Variants in MICAL1 observed in about 807,000 individuals in gnomAD.
The protein encoded by MICAL1 is [F-actin]-monooxygenase MICAL1.
In MICAL1, 95 loss-of-function variants were observed where a neutral mutation model predicts 131.8. That is an observed-to-expected ratio of 0.72 (90% CI 0.61 to 0.86). MICAL1 has a LOEUF of 0.86. Among genes scored for constraint, MICAL1 ranks in the 40% least tolerant of loss-of-function variants. The pLI, the probability that MICAL1 is intolerant of heterozygous loss-of-function variation, is 0.00. For missense variants in MICAL1, 1,292 were observed against 1,380.6 expected, an observed-to-expected ratio of 0.94 and a Z score of 1.02; for synonymous variants, 546 against 554.2, an observed-to-expected ratio of 0.99 and a Z score of 0.21.
chr6:109,452,213 G>C (rs377726815), intron 6 of MICAL1, 33 bp downstream of exon 6: 33 of 1,593,654 alleles, frequency 2.1e-5, no homozygotes, highest in Non-Finnish European at 2.6e-5. Context: ...AGTCAGGCAG[G>C]GGGAGGGGAA....
Position 109,445,443 on chromosome 6 carries a change from C to T in MICAL1, c.2760G>A (p.Glu920=), listed in dbSNP as rs1305518934. 1.2e-6 allele frequency: 2 copies of T among 1,613,982 alleles called. No individual in the cohort carries two copies. Among genetic ancestry groups the T allele is most frequent in the African/African-American group, 2.7e-5 (2 of 74,956 alleles). ...GGGCCTTGCAGAACCTCTTCATCTC[C>T]TCCTCCTTCGCACGGCGCAGCAGAG... ...RRTLLRRAKE[E]EMKRFCKAQT... Residue 920 remains glutamate, a synonymous_variant, in exon 21 of 25, where the codon GAG becomes GAA. Coordinates refer to ENST00000358807, the MANE Select transcript of MICAL1 (RefSeq NM_022765.4).
chr6:109,446,703 T>C lies in MICAL1; in HGVS notation c.2297A>G (p.Glu766Gly). ...CACGCCTTCAGTCTTTACCGGACTC[T>C]CAGGGCCTCTATCGCTGCCTTCCGC... ...HKAEGSDRGP[E>G]SPELPTPSEN... Residue 766 changes from glutamate (E) to glycine (G), a missense_variant, in exon 18 of 25, where the codon GAG becomes GGG. Glu to Gly is a moderately conservative substitution (Grantham distance 98). Transcript: ENST00000358807. 6.2e-7 allele frequency: 1 copy of C among 1,613,672 alleles called. No individual in the cohort carries two copies. The highest frequency in any genetic ancestry group is 8.5e-7 in the Non-Finnish European group (1 of 1,179,776).
In MICAL1 at chr6:109,454,057, T is replaced by C; in HGVS notation, c.140A>G (p.Gln47Arg). Reference sequence around the variant, plus strand: ...GAGCTGGTCCTTGATCTTGTGGTACTGGGGCAGCCCCCCACCGGGTTCCAG... The same window carrying C: ...GAGCTGGTCCTTGATCTTGTGGTACCGGGGCAGCCCCCCACCGGGTTCCAG... ...LGLEPGGGLP[Q>R]YHKIKDQLNY... The change falls in exon 2 of 25, where the codon CAG (glutamine) becomes CGG (arginine). Residue 47 changes from glutamine to arginine, a missense_variant. Coordinates refer to ENST00000358807, the MANE Select transcript of MICAL1 (RefSeq NM_022765.4). The C allele has an allele frequency of 1.2e-6, 2 of 1,614,106 alleles. No homozygotes were observed. Among genetic ancestry groups the C allele is most frequent in the Non-Finnish European group, 1.7e-6 (2 of 1,180,016 alleles).
chr6:109,446,507 C>T (rs1174901428), intron 18 of MICAL1, 95 bp from the exon 19 acceptor site: 3 of 1,499,484 alleles, frequency 2.0e-6, no homozygotes, highest in Admixed American at 1.7e-5. Context: ...AAACCATTTA[C>T]AAACAGTGTC....
chr6:109,448,253 G>A lies in MICAL1; in HGVS notation c.1805C>T (p.Ala602Val), dbSNP rs1383032560. The change falls in exon 13 of 25, where the codon GCC becomes GTC. Residue 602 changes from alanine to valine, a missense_variant. By Grantham distance (64) the Ala-to-Val change is moderately conservative. Transcript: ENST00000358807. ...GGCACTGTGGAAGTGGCTGAGGTAG[G>A]CAATGAGGCCCAGTGGGTCACTCCC... ...VAGSDPLGLI[A>V]YLSHFHSAFK... 1 of 1,613,546 alleles carries A rather than the reference G, an allele frequency of 6.2e-7. No homozygotes were observed. The highest frequency in any genetic ancestry group is 1.3e-5 in the African/African-American group (1 of 74,916).
intron 1 of MICAL1, chr6:109,454,558 G>A: frequency 5.6e-6 from 2 of 354,508 alleles, no homozygotes; most frequent in Non-Finnish European, 1.1e-5. Flanking sequence ...TTCTTAGCCT[G>A]CCTTCCTTAG....
chr6:109,453,616 C>T (rs1247689094), intron 3 of MICAL1, 22 bp downstream of exon 3: 1 of 1,571,712 alleles, frequency 6.4e-7, no homozygotes, highest in South Asian at 1.1e-5. Context: ...CCCGCCCCTC[C>T]AGGCCACCAC....
chr6:109,450,315 C>A lies in MICAL1; in HGVS notation c.1176G>T (p.Gly392=). 1 of 1,607,498 alleles carries A rather than the reference C, an allele frequency of 6.2e-7. No homozygotes were observed. Among genetic ancestry groups the A allele is most frequent in the Non-Finnish European group, 8.5e-7 (1 of 1,175,230 alleles). ...AACCCCTCACCTCCACCAGGCAGTCCCCCACCAGTCCCAGCAGCAGGCGGG... is the reference window on the plus strand; with the variant it reads ...AACCCCTCACCTCCACCAGGCAGTCACCCACCAGTCCCAGCAGCAGGCGGG... ...HGARLLLGLV[G]DCLVEPFWPL... is the part of the protein sequence containing the mutation. Residue 392 remains glycine, a synonymous_variant, in exon 8 of 25, where the codon GGG becomes GGT. Coordinates refer to ENST00000358807, the MANE Select transcript of MICAL1 (RefSeq NM_022765.4).
intron 11 of MICAL1, 48 bp from the exon 12 acceptor site, chr6:109,448,927 A>G: frequency 6.2e-7 from 1 of 1,605,364 alleles, no homozygotes; most frequent in South Asian, 1.1e-5. Flanking sequence ...TGCCCATCCC[A>G]GGCATATAGG....
chr6:109,455,871 G>C, upstream of MICAL1: 1 of 985,552 alleles, frequency 1.0e-6, no homozygotes. This position sits in a 1 kb window ranked among gnomAD's most constrained non-coding sequence, Gnocchi z 4.7. Context: ...GCCTGGAGTC[G>C]CGCGGAGTGT....
chr6:109,457,403 A>G (rs1775779470), upstream of MICAL1, among the ~76,000 whole-genome samples: 1 of 152,154 alleles, frequency 6.6e-6, no homozygotes, highest in Admixed American at 6.5e-5. Flanking sequence ...CCACCACCCC[A>G]GGGTTGATTC....
rs1276042670 is a variant in MICAL1, at chr6:109,461,044, A to G, written c.14+4620T>C. On this transcript the variant is annotated intron_variant, in intron 1 of 24. Coordinates refer to the MICAL1 transcript ENST00000630715. ...ATAGGTATACATGTGCCATGCTGGT[A>G]TGCTGCACCCATCAACTTGTCATTT... Among the ~76,000 whole-genome samples the G allele has an allele frequency of 2.0e-5, 3 of 152,094 alleles. No individual in the cohort carries two copies. In the South Asian group the frequency reaches 6.2e-4, roughly 32 times the overall value.
Position 109,453,329 on chromosome 6 carries a change from A to G in MICAL1, c.505T>C (p.Leu169=). 1.2e-6 allele frequency: 2 copies of G among 1,614,012 alleles called. No homozygotes were observed. The highest frequency in any genetic ancestry group is 1.7e-6 in the Non-Finnish European group (2 of 1,179,988). Residue 169 remains leucine, a synonymous_variant, in exon 4 of 25, where the codon TTG becomes CTG. Transcript: ENST00000358807. ...CAGTGAATTTCCACCCCCAGCAGCA[A>G]TGCTACCTTCAGCAGAAGCAGCTGG... ...QLQLLLLKVA[L]LLGVEIHWGV...
At chr6:109,451,897 C>T in intron 6 of MICAL1, 197 bp from the exon 7 acceptor site, 1 of 1,395,470 alleles carries the variant, frequency 7.2e-7, no homozygotes, top group Non-Finnish European at 9.3e-7. Flanking sequence ...GGACTTAGAG[C>T]AAAGAGGGAA....
intron 16 of MICAL1, 46 bp downstream of exon 16, chr6:109,447,311 C>T: frequency 6.2e-7 from 1 of 1,614,020 alleles, no homozygotes. Context: ...ACGCCCCTGC[C>T]CTGCCCTCCC....
At chr6:109,464,276 T>C (rs1008103528) in intron 1 of MICAL1, 3 of 152,148 alleles carry the variant, frequency 2.0e-5, no homozygotes, top group African/African-American at 7.2e-5. Flanking sequence ...GCTTAGCAAA[T>C]ATGCAACCAA....
chr6:109,444,584 A>G (rs1775121451), intron 24 of MICAL1, 141 bp downstream of exon 24: 2 of 1,102,404 alleles, frequency 1.8e-6, no homozygotes, highest in Non-Finnish European at 2.7e-6. Context: ...GGGGCTTTGG[A>G]GCCCCCTCCT....
At chr6:109,463,606 T>G (rs866758220) in intron 1 of MICAL1, 1 of 152,188 alleles carries the variant, frequency 6.6e-6, no homozygotes, top group Admixed American at 6.5e-5. Flanking sequence ...CTACTTGATA[T>G]GAGAATCTGT....
Position 109,446,155 on chromosome 6 carries a change from C to A in MICAL1, c.2562G>T (p.Leu854=). ...GGTTACCTTGAGGGCTCTGGACTGGCAGGCCCCAGCCCACAAAGCTGCTCT... is the reference window on the plus strand; with the variant it reads ...GGTTACCTTGAGGGCTCTGGACTGGAAGGCCCCAGCCCACAAAGCTGCTCT... ...ALESSFVGWG[L]PVQSPQALVA... Residue 854 remains leucine, a synonymous_variant, in exon 19 of 25, where the codon CTG becomes CTT. Transcript: ENST00000358807. The A allele has an allele frequency of 6.4e-7, 1 of 1,556,176 alleles. No individual in the cohort carries two copies. Among genetic ancestry groups the A allele is most frequent in the Non-Finnish European group, 8.7e-7 (1 of 1,155,588 alleles).
Sources: allele counts gnomAD v4.1 joint callset (sites outside exome capture counted in the v4.1 genomes callset), GRCh38; gene constraint gnomAD v4.1.1; non-coding constraint Gnocchi (gnomAD v3.1); transcripts MANE v1.5; gene names NCBI Gene and HGNC (gene_info 2026-07-23, HGNC 2026-07-21).